Variants in UST observed in about 807,000 individuals in gnomAD.
UST encodes the protein uronyl 2-sulfotransferase, also known as chondroitin sulfate 2-O-sulfotransferase.
In UST, 21 loss-of-function variants were observed where a neutral mutation model predicts 45.6. That is an observed-to-expected ratio of 0.46 (90% CI 0.33 to 0.66). UST has a LOEUF of 0.66. UST is among the 30% of genes least tolerant of loss of function. The pLI, the probability that UST is intolerant of heterozygous loss-of-function variation, is 0.02. For synonymous variants in UST, 215 were observed against 200.6 expected (o/e 1.07, Z -0.61); for missense variants, 463 against 512.4 (o/e 0.90, Z 0.93).
At chr6:148,927,978 C>G (rs887203362) in intron 2 of UST, among the ~76,000 whole-genome samples, 10 of 152,222 alleles carry the variant, frequency 6.6e-5, no homozygotes, top group African/African-American at 2.4e-4. Context: ...AAGCAGCTCT[C>G]CATCCAAGGG....
At chr6:149,039,918 C>T (rs190435520) in intron 7 of UST, among the ~76,000 whole-genome samples, 1 of 152,286 alleles carries the variant, frequency 6.6e-6, no homozygotes, top group African/African-American at 2.4e-5. Flanking sequence ...CTCCTTCTCC[C>T]ATCCTTCTCT....
At chr6:149,006,556 T>A (rs1407603883) in intron 5 of UST, among the ~76,000 whole-genome samples, 1 of 152,234 alleles carries the variant, frequency 6.6e-6, no homozygotes, top group South Asian at 2.1e-4. Flanking sequence ...GCAGTGAACA[T>A]TTGCATGCAT....
intron 4 of UST, among the ~76,000 whole-genome samples, chr6:148,962,272 C>T (rs562844059): frequency 5.9e-5 from 9 of 152,268 alleles, no homozygotes; most frequent in Non-Finnish European, 1.2e-4. Flanking sequence ...CCAGTCCTTA[C>T]TTCTCTCGCC....
chr6:148,950,156 T>C (rs1055857763), intron 3 of UST, among the ~76,000 whole-genome samples: 4 of 152,184 alleles, frequency 2.6e-5, no homozygotes, highest in African/African-American at 7.2e-5. Context: ...TAGCATCCCT[T>C]GGAAGGCTTG....
intron 1 of UST, among the ~76,000 whole-genome samples, chr6:148,794,809 A>G (rs753021307): frequency 1.3e-5 from 2 of 152,230 alleles, no homozygotes; most frequent in Non-Finnish European, 2.9e-5. Context: ...GGAATAATTA[A>G]TGAAGGGTGG....
chr6:148,872,450 G>T (rs1056094825), intron 1 of UST, among the ~76,000 whole-genome samples: 4 of 144,020 alleles, frequency 2.8e-5, no homozygotes, highest in African/African-American at 1.2e-4. Flanking sequence ...TGAGAGTGAT[G>T]ACCTCTCTTC....
rs75319872 is a variant in UST at position 148,967,153 on chromosome 6, A to G, written c.681+2590A>G. On this transcript the variant is annotated intron_variant, in intron 5 of 7. Transcript: ENST00000367463. ...TGTTATGTGACTTGAGAGATTGTAG[A>G]GAGATTTCCCTGCCTGGAATTCTGC... 3.2e-3 allele frequency among the ~76,000 whole-genome samples: 486 copies of G among 152,320 alleles called. 6 individuals carry two copies. The East Asian group carries it at 0.037, about 12-fold the overall frequency.
intron 5 of UST, among the ~76,000 whole-genome samples, chr6:148,990,929 A>T (rs938864634): frequency 3.9e-5 from 6 of 152,290 alleles, no homozygotes; most frequent in African/African-American, 1.4e-4. Context: ...ATATTGGCTA[A>T]GCGTCTCCTG....
At chr6:148,791,599 T>G (rs771771736) in intron 1 of UST, among the ~76,000 whole-genome samples, 1 of 152,220 alleles carries the variant, frequency 6.6e-6, no homozygotes, top group African/African-American at 2.4e-5. Context: ...TACTGATCAC[T>G]AAGCACTGTG....
intron 7 of UST, among the ~76,000 whole-genome samples, chr6:149,049,908 G>GC (rs1189934837): frequency 7.0e-6 from 1 of 142,444 alleles, no homozygotes; most frequent in Non-Finnish European, 1.5e-5. Flanking sequence ...AACTCACCTT[G>GC]TCTCTCTCTC....
intron 7 of UST, among the ~76,000 whole-genome samples, chr6:149,072,559 A>G (rs918144554): frequency 6.6e-6 from 1 of 152,030 alleles, no homozygotes; most frequent in Non-Finnish European, 1.5e-5. Context: ...AGGCTGAGGC[A>G]GGAGAATCAC....
At chr6:149,039,177 C>T (rs537268216) in intron 7 of UST, among the ~76,000 whole-genome samples, 1 of 152,246 alleles carries the variant, frequency 6.6e-6, no homozygotes, top group African/African-American at 2.4e-5. Flanking sequence ...TATTAGGGAC[C>T]ATCCCTGTCC....
intron 5 of UST, among the ~76,000 whole-genome samples, chr6:148,997,559 A>G (rs939942511): frequency 6.6e-6 from 1 of 152,216 alleles, no homozygotes; most frequent in Non-Finnish European, 1.5e-5. Flanking sequence ...TATTTTTATT[A>G]TATGCAGGTA....
At chr6:148,864,944 T>C (rs986980548) in intron 1 of UST, among the ~76,000 whole-genome samples, 3 of 152,220 alleles carry the variant, frequency 2.0e-5, no homozygotes, top group African/African-American at 4.8e-5. Context: ...TGGTGTGCAT[T>C]ATTTATATAG....
chr6:149,044,838 G>T (rs1042595628), intron 7 of UST, among the ~76,000 whole-genome samples: 3 of 152,186 alleles, frequency 2.0e-5, no homozygotes, highest in African/African-American at 7.2e-5. Context: ...CCAATAACAC[G>T]TGCTTTGGAT....
Position 148,946,374 on chromosome 6 carries a change from G to C in UST, c.447+4940G>C, listed in dbSNP as rs569227718. Among the ~76,000 whole-genome samples, 5 of 151,876 alleles carry C rather than the reference G, an allele frequency of 3.3e-5. No homozygotes were observed. The East Asian group carries it at 9.7e-4, about 30-fold the overall frequency. Reference sequence around the variant, plus strand: ...AAAAACACAAAAATTAGATGGGCGTGGTGGTGCACGCCTGTAATCCCAGCT... The same window carrying C: ...AAAAACACAAAAATTAGATGGGCGTCGTGGTGCACGCCTGTAATCCCAGCT... On this transcript the variant is annotated intron_variant, in intron 3 of 7. Coordinates refer to ENST00000367463, the MANE Select transcript of UST (RefSeq NM_005715.3).
intron 1 of UST, among the ~76,000 whole-genome samples, chr6:148,823,690 T>C (rs1178924568): frequency 6.6e-6 from 1 of 152,200 alleles, no homozygotes; most frequent in Non-Finnish European, 1.5e-5. Flanking sequence ...GTACCTCATG[T>C]GTTACAAAGA....
At position 148,747,447 on chromosome 6, in the gene UST, A is replaced by C; in HGVS notation, c.17A>C (p.Gln6Pro). The C allele has an allele frequency of 7.0e-7, 1 of 1,423,934 alleles. No individual in the cohort carries two copies. The allele number at this position is 1,423,934 out of a possible 1,614,324, so 88.2% of individuals were successfully genotyped here. Residue 6 changes from glutamine (Q) to proline (P), a missense_variant, in exon 1 of 8, where the codon CAG (glutamine) becomes CCG (proline). Transcript: ENST00000367463. ...GAGCAGGCGATGAAGAAGAAGCAGCAGCATCCCGGCGGCGGCGCGGATCCC... is the reference window on the plus strand; with the variant it reads ...GAGCAGGCGATGAAGAAGAAGCAGCCGCATCCCGGCGGCGGCGCGGATCCC... The part of the protein sequence containing the change: MKKKQ[Q>P]HPGGGADPWP...
At chr6:149,033,301 A>G (rs982559521) in intron 7 of UST, among the ~76,000 whole-genome samples, 5 of 152,234 alleles carry the variant, frequency 3.3e-5, no homozygotes, top group African/African-American at 9.7e-5. Flanking sequence ...GGGGCGAAGT[A>G]CAATCCTTAC....
Sources: gnomAD v4.1 joint callset for allele counts (sites outside exome capture counted in the v4.1 genomes callset) on GRCh38, gnomAD v4.1.1 for gene constraint, MANE v1.5 for transcripts, NCBI Gene and HGNC (gene_info 2026-07-23, HGNC 2026-07-21) for gene names.